ZNF714: variants seen among roughly 807,000 people sequenced by gnomAD.
The protein encoded by ZNF714 is zinc finger protein 714.
Under a neutral mutation model 46.2 loss-of-function variants are expected in ZNF714, and 32 were observed. That is an observed-to-expected ratio of 0.69 (90% CI 0.52 to 0.93). The LOEUF is 0.93. Ranked by LOEUF, ZNF714 falls within the 40% of genes least tolerant of loss-of-function variation. The probability of loss-of-function intolerance (pLI) is 0.00; values close to 1 mark genes in which losing one functional copy is unlikely to be tolerated. For missense variants in ZNF714, 635 were observed against 646.3 expected (o/e 0.98, Z 0.19); for synonymous variants, 199 against 213.1 (o/e 0.93, Z 0.58).
intron 4 of ZNF714, among the ~76,000 whole-genome samples, chr19:21,115,420 A>G (rs1158373823): frequency 1.3e-5 from 2 of 152,030 alleles, no homozygotes; most frequent in South Asian, 2.1e-4. Context: ...TTTTCAGTAG[A>G]AGCAACTGCT....
chr19:21,120,210 T>C lies in ZNF714; in HGVS notation c.*1878T>C, dbSNP rs1969683703. 1 of 152,160 alleles carries C rather than the reference T, an allele frequency of 6.6e-6. No individual in the cohort carries two copies. The highest frequency in any genetic ancestry group is 2.1e-4 in the South Asian group (1 of 4,826). 9.4% of individuals were successfully genotyped at this position (152,160 alleles called of 1,614,324 possible). On this transcript the variant is annotated 3_prime_UTR_variant, in exon 5 of 5. Coordinates refer to ENST00000456283, the MANE Select transcript of ZNF714 (RefSeq NM_182515.4). The stretch of plus-strand genomic sequence containing the variant: ...GCGCATATCACCACGCCCAGCTAAT[T>C]TTTATGTTTCTAGTACAGACAGGAT...
chr19:21,095,406 C>T (rs560376299), intron 2 of ZNF714, among the ~76,000 whole-genome samples: 1 of 152,228 alleles, frequency 6.6e-6, no homozygotes, highest in South Asian at 2.1e-4. Context: ...ATACCGTGGG[C>T]TCCCAGAGCT....
intron 4 of ZNF714, among the ~76,000 whole-genome samples, chr19:21,108,283 T>C (rs1969368814): frequency 6.6e-6 from 1 of 152,216 alleles, no homozygotes; most frequent in Admixed American, 6.5e-5. Context: ...ATACATCAGG[T>C]GCAAATAAGA....
intron 4 of ZNF714, among the ~76,000 whole-genome samples, chr19:21,112,462 A>G (rs563621332): frequency 4.8e-4 from 72 of 149,440 alleles, no homozygotes; most frequent in African/African-American, 1.7e-3. Context: ...TTTATTGTCT[A>G]TTTCATTCAT....
In ZNF714 at chr19:21,118,117, G is replaced by A; in HGVS notation, c.1453G>A (p.Glu485Lys). ...HTGEKSYKCE[E>K]CGKAFNQSST... ...TGGAGAGAAATCTTACAAATGTGAA[G>A]AATGTGGTAAAGCCTTTAACCAATC... The change falls in exon 5 of 5, where the codon GAA (glutamate) becomes AAA (lysine). Residue 485 changes from glutamate (E) to lysine (K), a missense_variant. By Grantham distance (56) the Glu-to-Lys change is moderately conservative. Coordinates refer to ENST00000456283, the MANE Select transcript of ZNF714 (RefSeq NM_182515.4). 6.2e-7 allele frequency: 1 copy of A among 1,613,772 alleles called. No individual in the cohort carries two copies. Among genetic ancestry groups the A allele is most frequent in the African/African-American group, 1.3e-5 (1 of 75,016 alleles).
rs1022243189 is a variant in ZNF714, at chr19:21,123,690, A to G, written c.*5358A>G. On this transcript the variant is annotated 3_prime_UTR_variant, in exon 5 of 5. Transcript: ENST00000456283. Reference sequence around the variant, plus strand: ...TTTTCTATGATATAATTACAGCACAATTTACATTTCCGTGCAGAATCTTTT... The same window carrying G: ...TTTTCTATGATATAATTACAGCACAGTTTACATTTCCGTGCAGAATCTTTT... 6.6e-6 allele frequency: 1 copy of G among 152,192 alleles called. No homozygotes were observed. Among genetic ancestry groups the G allele is most frequent in the East Asian group, 1.9e-4 (1 of 5,194 alleles). 9.4% of individuals were successfully genotyped at this position (152,192 alleles called of 1,614,324 possible).
chr19:21,118,792 T>C lies in ZNF714; in HGVS notation c.*460T>C. On this transcript the variant is annotated 3_prime_UTR_variant, in exon 5 of 5. Transcript: ENST00000456283. The stretch of plus-strand genomic sequence containing the variant: ...CAATGCTTTTGACAACACCTCAAAC[T>C]TTTCTAACCATAAAAGAAATTATAC... 1 of 200,274 alleles carries C rather than the reference T, an allele frequency of 5.0e-6. No homozygotes were observed. The highest frequency in any genetic ancestry group is 1.0e-5 in the Non-Finnish European group (1 of 95,304). 12.4% of individuals were successfully genotyped at this position (200,274 alleles called of 1,614,324 possible).
intron 4 of ZNF714, among the ~76,000 whole-genome samples, chr19:21,115,657 C>G (rs915841243): frequency 6.6e-6 from 1 of 151,794 alleles, no homozygotes; most frequent in Non-Finnish European, 1.5e-5. Context: ...AATGACATGC[C>G]ATTTTTATCT....
chr19:21,107,820 C>T (rs868772292), intron 4 of ZNF714, among the ~76,000 whole-genome samples: 1 of 152,112 alleles, frequency 6.6e-6, no homozygotes, highest in South Asian at 2.1e-4. Context: ...CCGTACTCAA[C>T]CCATGTGTTT....
rs117402657 is a variant in ZNF714, at chr19:21,087,010, G to A, written c.-85+2941G>A. On this transcript the variant is annotated intron_variant, in intron 2 of 4. Transcript: ENST00000456283. ...GTCTTCTATTAGTTCAGTCCATTCA[G>A]TTAATTCCTATTCTGTTTGATAGTC... Among the ~76,000 whole-genome samples, 235 of 152,184 alleles carry A rather than the reference G, an allele frequency of 1.5e-3. 4 individuals carry two copies. The East Asian group carries it at 0.042, about 27-fold the overall frequency.
chr19:21,101,284 G>A (rs760611702), intron 4 of ZNF714, among the ~76,000 whole-genome samples: 2 of 152,116 alleles, frequency 1.3e-5, no homozygotes, highest in Non-Finnish European at 2.9e-5. Context: ...ATCTTTTTCT[G>A]TTGTGTCCCT....
At chr19:21,110,147 T>C (rs1402596942) in intron 4 of ZNF714, among the ~76,000 whole-genome samples, 1 of 152,230 alleles carries the variant, frequency 6.6e-6, no homozygotes, top group Non-Finnish European at 1.5e-5. Flanking sequence ...GTATATCTGG[T>C]TCTAGGTCTT....
At chr19:21,101,820 T>G (rs1969188062) in intron 4 of ZNF714, among the ~76,000 whole-genome samples, 1 of 152,188 alleles carries the variant, frequency 6.6e-6, no homozygotes, top group Non-Finnish European at 1.5e-5. Flanking sequence ...CCAAGTTGCG[T>G]GGGCCATTTC....
intron 2 of ZNF714, among the ~76,000 whole-genome samples, chr19:21,094,583 G>A (rs548740746): frequency 6.6e-6 from 1 of 152,316 alleles, no homozygotes; most frequent in South Asian, 2.1e-4. Flanking sequence ...CTGGAGTACA[G>A]TGGTGTGATC....
At chr19:21,090,686 C>T (rs1193413588) in intron 2 of ZNF714, among the ~76,000 whole-genome samples, 1 of 151,964 alleles carries the variant, frequency 6.6e-6, no homozygotes, top group Non-Finnish European at 1.5e-5. Context: ...AGAGAGGGTT[C>T]TTGGATCTCG....
chr19:21,117,971 G>A lies in ZNF714; in HGVS notation c.1307G>A (p.Arg436Gln), dbSNP rs557613744. 28 of 1,608,162 alleles carry A rather than the reference G, an allele frequency of 1.7e-5. No homozygotes were observed. In the Middle Eastern group the frequency reaches 5.0e-4, roughly 28 times the overall value. ...KCEECGKAFN[R>Q]SSNLTTHKRI... ...GAAGAATGTGGCAAAGCTTTTAACC[G>A]ATCCTCAAACCTTACTACACATAAG... Residue 436 changes from arginine to glutamine, a missense_variant, in exon 5 of 5, where the codon CGA (arginine) becomes CAA (glutamine). Transcript: ENST00000456283.
At position 21,118,225 on chromosome 19, in the gene ZNF714, G is replaced by A; in HGVS notation, c.1561G>A (p.Glu521Lys). ...CNPNTLRGLG[E>K]QIARSGVQDQ... ...TCCCAACACTTTGAGAGGACTAGGT[G>A]AGCAGATCGCGAGGTCAGGAGTTCA... The change falls in exon 5 of 5, where the codon GAG (glutamate) becomes AAG (lysine). Residue 521 changes from glutamate to lysine, a missense_variant. Coordinates refer to ENST00000456283, the MANE Select transcript of ZNF714 (RefSeq NM_182515.4). 6.3e-7 allele frequency: 1 copy of A among 1,582,666 alleles called. No homozygotes were observed. Among genetic ancestry groups the A allele is most frequent in the South Asian group, 1.1e-5 (1 of 88,648 alleles).
intron 4 of ZNF714, among the ~76,000 whole-genome samples, chr19:21,111,848 T>C (rs181991414): frequency 1.3e-5 from 2 of 152,298 alleles, no homozygotes; most frequent in East Asian, 3.9e-4. Flanking sequence ...TCGTGTGGTT[T>C]TTGTCTTTAA....
intron 4 of ZNF714, among the ~76,000 whole-genome samples, chr19:21,111,388 G>A (rs778362007): frequency 3.9e-4 from 60 of 152,048 alleles, no homozygotes; most frequent in Non-Finnish European, 2.6e-4. Context: ...TTGGTGTATT[G>A]AAATGCTTGT....
Sources: allele counts gnomAD v4.1 joint callset (sites outside exome capture counted in the v4.1 genomes callset), GRCh38; gene constraint gnomAD v4.1.1; transcripts MANE v1.5; gene names NCBI Gene and HGNC (gene_info 2026-07-23, HGNC 2026-07-21).